Variants in GPC5 observed in about 807,000 individuals in gnomAD.
The protein encoded by GPC5 is glypican-5.
In GPC5, 47 loss-of-function variants were observed where a neutral mutation model predicts 53.9. The ratio of observed to expected loss-of-function variants is 0.87; its 90% CI spans 0.69 to 1.11. The LOEUF is 1.11. GPC5 is among the 50% of genes most tolerant of loss of function. The probability of loss-of-function intolerance (pLI) is 0.00; values close to 1 mark genes in which losing one functional copy is unlikely to be tolerated. For synonymous variants in GPC5, 286 were observed against 263.3 expected, an observed-to-expected ratio of 1.09 and a Z score of -0.84; for missense variants, 748 against 713.1, an observed-to-expected ratio of 1.05 and a Z score of -0.56.
At chr13:92,306,181 GT>G (rs2043109611) in intron 7 of GPC5, among the ~76,000 whole-genome samples, 1 of 152,172 alleles carries the variant, frequency 6.6e-6, no homozygotes, top group South Asian at 2.1e-4. Context: ...ATGTTTTTGT[GT>G]GTGCAAAAGT....
chr13:91,598,527 C>A (rs894618243), intron 2 of GPC5, among the ~76,000 whole-genome samples: 2 of 151,968 alleles, frequency 1.3e-5, no homozygotes. Context: ...TCTTTCTTTG[C>A]CAATCACTGG....
At chr13:92,079,879 C>T (rs2041282069) in intron 6 of GPC5, among the ~76,000 whole-genome samples, 1 of 152,196 alleles carries the variant, frequency 6.6e-6, no homozygotes, top group South Asian at 2.1e-4. Context: ...GGTCAGTGTG[C>T]CACCTCTAAC....
intron 2 of GPC5, among the ~76,000 whole-genome samples, chr13:91,555,831 A>G (rs1051031551): frequency 5.3e-5 from 8 of 152,046 alleles, no homozygotes; most frequent in African/African-American, 1.9e-4. Context: ...TTATAAAACC[A>G]TCAAATCTCC....
At chr13:91,768,421 G>A (rs191064597) in intron 5 of GPC5, among the ~76,000 whole-genome samples, 2 of 152,046 alleles carry the variant, frequency 1.3e-5, no homozygotes, top group East Asian at 3.9e-4. Flanking sequence ...AATATTTTTT[G>A]TGTGGCTGCA....
intron 7 of GPC5, among the ~76,000 whole-genome samples, chr13:92,355,255 C>A: frequency 6.7e-6 from 1 of 150,032 alleles, no homozygotes; most frequent in East Asian, 2.0e-4. Flanking sequence ...AATCAAAATT[C>A]AATACTCAAT....
chr13:92,573,957 T>A (rs760282649), intron 7 of GPC5, among the ~76,000 whole-genome samples: 6 of 152,124 alleles, frequency 3.9e-5, no homozygotes, highest in Non-Finnish European at 8.8e-5. Flanking sequence ...TTCTCCGTCA[T>A]CCAGTGAACA....
chr13:91,408,255 C>A (rs2075593189), intron 1 of GPC5, among the ~76,000 whole-genome samples: 1 of 152,186 alleles, frequency 6.6e-6, no homozygotes, highest in Non-Finnish European at 1.5e-5. Flanking sequence ...CCATTCTCCT[C>A]TCTCTTTCTA....
chr13:91,402,295 A>G (rs1280241848), intron 1 of GPC5, among the ~76,000 whole-genome samples: 1 of 152,236 alleles, frequency 6.6e-6, no homozygotes, highest in African/African-American at 2.4e-5. Flanking sequence ...GATTTTGGCT[A>G]TAAATAGAGT....
chr13:92,621,608 T>A (rs986563857), intron 7 of GPC5, among the ~76,000 whole-genome samples: 2 of 151,976 alleles, frequency 1.3e-5, no homozygotes, highest in Non-Finnish European at 2.9e-5. Flanking sequence ...TCACCTGTGG[T>A]CAAGAGCTCA....
chr13:91,543,088 C>T (rs1566490765), intron 2 of GPC5, among the ~76,000 whole-genome samples: 1 of 152,204 alleles, frequency 6.6e-6, no homozygotes, highest in East Asian at 1.9e-4. Context: ...GACCTCCTGA[C>T]CTCGTAATCG....
intron 4 of GPC5, among the ~76,000 whole-genome samples, chr13:91,731,305 T>G (rs1467935232): frequency 6.6e-6 from 1 of 152,154 alleles, no homozygotes; most frequent in East Asian, 1.9e-4. Flanking sequence ...TCCATCTCAG[T>G]GTGCACAGAC....
At chr13:92,661,131 C>T (rs977238012) in intron 7 of GPC5, among the ~76,000 whole-genome samples, 1 of 151,764 alleles carries the variant, frequency 6.6e-6, no homozygotes, top group Non-Finnish European at 1.5e-5. Flanking sequence ...GAAACCCCAT[C>T]TTTAATAATA....
intron 7 of GPC5, among the ~76,000 whole-genome samples, chr13:92,381,897 A>ATCATATATATCATATATATATCATATAT (rs1218262542): frequency 9.9e-6 from 1 of 101,336 alleles, no homozygotes; most frequent in African/African-American, 3.7e-5. Flanking sequence ...TATTATATAT[A>ATCATATATATCATATATATATCATATAT]ATCATATATA....
chr13:91,775,448 T>C (rs1003257079), intron 5 of GPC5, among the ~76,000 whole-genome samples: 3 of 152,190 alleles, frequency 2.0e-5, no homozygotes, highest in Non-Finnish European at 2.9e-5. Context: ...ACGTAGATGA[T>C]TGTTATTTTA....
chr13:91,771,733 G>GA (rs1176841153), intron 5 of GPC5, among the ~76,000 whole-genome samples: 3 of 151,780 alleles, frequency 2.0e-5, no homozygotes, highest in Non-Finnish European at 4.4e-5. Flanking sequence ...TCCGAAAAAG[G>GA]AAAAAATTAA....
At chr13:92,128,182 C>A (rs1390528122) in intron 6 of GPC5, among the ~76,000 whole-genome samples, 1 of 152,182 alleles carries the variant, frequency 6.6e-6, no homozygotes, top group East Asian at 1.9e-4. Flanking sequence ...GTCTGTCATT[C>A]ACTCCTATAT....
intron 5 of GPC5, among the ~76,000 whole-genome samples, chr13:91,831,858 T>A (rs1326161675): frequency 6.6e-6 from 1 of 152,092 alleles, no homozygotes; most frequent in Non-Finnish European, 1.5e-5. Flanking sequence ...TTGCATTTGC[T>A]GAGGAGTGCT....
intron 2 of GPC5, among the ~76,000 whole-genome samples, chr13:91,643,629 GT>G (rs2034486820): frequency 6.6e-6 from 1 of 152,196 alleles, no homozygotes; most frequent in African/African-American, 2.4e-5. Flanking sequence ...CATCTTTACT[GT>G]TTTTGAGGCT....
At chr13:92,344,562 G>A (rs372026234) in intron 7 of GPC5, among the ~76,000 whole-genome samples, 2 of 152,128 alleles carry the variant, frequency 1.3e-5, no homozygotes, top group East Asian at 1.9e-4. Flanking sequence ...ACTGAATGAG[G>A]ATTTATGGGA....
Sources: allele counts gnomAD v4.1 joint callset (sites outside exome capture counted in the v4.1 genomes callset), GRCh38; gene constraint gnomAD v4.1.1; transcripts MANE v1.5; gene names NCBI Gene and HGNC (gene_info 2026-07-23, HGNC 2026-07-21).